Variants in DNAJC13 observed in about 807,000 individuals in gnomAD.
The protein encoded by DNAJC13 is dnaJ homolog subfamily C member 13.
Under a neutral mutation model 290.5 loss-of-function variants are expected in DNAJC13, and 75 were observed. That is an observed-to-expected ratio of 0.26 (90% CI 0.21 to 0.31). The LOEUF (loss-of-function observed/expected upper bound fraction) is 0.31. Among genes scored for constraint, DNAJC13 ranks in the 10% least tolerant of loss-of-function variants. DNAJC13 has a pLI of 1.00. For synonymous variants in DNAJC13, 862 were observed against 892.0 expected (o/e 0.97, Z 0.60); for missense variants, 2,260 against 2,674.5 (o/e 0.85, Z 3.42).
chr3:132,492,056 TA>T (rs1019926607), intron 32 of DNAJC13, among the ~76,000 whole-genome samples: 62 of 152,306 alleles, frequency 4.1e-4, no homozygotes, highest in Non-Finnish European at 4.1e-4. Flanking sequence ...TTAATTGAAA[TA>T]AATACCATCT....
intron 55 of DNAJC13, chr3:132,537,076 G>A: frequency 6.6e-6 from 3 of 455,396 alleles, no homozygotes; most frequent in Non-Finnish European, 1.3e-5. Context: ...ACCAATCCCT[G>A]TTTCTACCTT....
intron 55 of DNAJC13, chr3:132,537,287 A>T: frequency 2.2e-6 from 1 of 453,688 alleles, no homozygotes; most frequent in Non-Finnish European, 4.4e-6. Flanking sequence ...GTTTTGCTAA[A>T]TGCATGCCGC....
chr3:132,499,833 A>G, intron 38 of DNAJC13, 25 bp downstream of exon 38: 1 of 1,600,004 alleles, frequency 6.2e-7, no homozygotes, highest in Admixed American at 1.7e-5. Flanking sequence ...TGTGGTTCCA[A>G]GAAAATTGCA....
At chr3:132,515,030 C>G (rs1358454520) in intron 46 of DNAJC13, among the ~76,000 whole-genome samples, 2 of 152,150 alleles carry the variant, frequency 1.3e-5, no homozygotes, top group South Asian at 2.1e-4. Flanking sequence ...GCCTTGTATT[C>G]AGCTTAGTGT....
chr3:132,427,642 A>AG (rs1939134478), intron 1 of DNAJC13, among the ~76,000 whole-genome samples: 2 of 152,208 alleles, frequency 1.3e-5, no homozygotes, highest in African/African-American at 2.4e-5. Context: ...TGAACATTCT[A>AG]GGTGATATCT....
intron 16 of DNAJC13, among the ~76,000 whole-genome samples, chr3:132,462,821 A>C (rs1411904679): frequency 2.0e-5 from 3 of 152,292 alleles, no homozygotes; most frequent in African/African-American, 7.2e-5. Context: ...TGGAAGGATA[A>C]TGTTGACAGT....
At chr3:132,443,490 T>C (rs74281872) in intron 2 of DNAJC13, among the ~76,000 whole-genome samples, 14,972 of 152,258 alleles carry the variant, frequency 0.098, 1,337 homozygotes, top group East Asian at 0.5. Flanking sequence ...GTGACTAATA[T>C]TCTATACATG....
rs769671663 is a variant in DNAJC13, at chr3:132,499,729, T to C, written c.4342-5T>C. On this transcript the variant is annotated splice_polypyrimidine_tract_variant and splice_region_variant and intron_variant, in intron 37 of 55. Coordinates refer to ENST00000260818, the MANE Select transcript of DNAJC13 (RefSeq NM_015268.4). The stretch of plus-strand genomic sequence containing the variant: ...AGAGTTAATAGCTGACTTCTTCCTC[T>C]GCAGGTGTTACAAGAGGCATTTAGT... 1 of 1,614,038 alleles carries C rather than the reference T, an allele frequency of 6.2e-7. No individual in the cohort carries two copies. The highest frequency in any genetic ancestry group is 8.5e-7 in the Non-Finnish European group (1 of 1,179,960).
chr3:132,525,821 C>T, intron 52 of DNAJC13, 32 bp downstream of exon 52: 1 of 1,597,558 alleles, frequency 6.3e-7, no homozygotes, highest in South Asian at 1.1e-5. Context: ...AGTTTATAAG[C>T]TCCAGAATTT....
intron 32 of DNAJC13, among the ~76,000 whole-genome samples, chr3:132,491,968 G>C (rs1935069807): frequency 6.6e-6 from 1 of 152,046 alleles, no homozygotes; most frequent in South Asian, 2.1e-4. Flanking sequence ...CAAATATAAG[G>C]CCCCATCTAA....
At chr3:132,440,296 T>C (rs536447612) in intron 2 of DNAJC13, among the ~76,000 whole-genome samples, 1 of 152,234 alleles carries the variant, frequency 6.6e-6, no homozygotes, top group Non-Finnish European at 1.5e-5. Flanking sequence ...ATAAATGTAC[T>C]AATTATAATT....
At chr3:132,425,120 A>G (rs1469489605) in intron 1 of DNAJC13, among the ~76,000 whole-genome samples, 2 of 152,166 alleles carry the variant, frequency 1.3e-5, no homozygotes, top group Non-Finnish European at 2.9e-5. Context: ...GTTACAAACA[A>G]ACCTAGATCC....
chr3:132,462,212 A>G (rs1340122092), intron 15 of DNAJC13, among the ~76,000 whole-genome samples: 1 of 152,172 alleles, frequency 6.6e-6, no homozygotes, highest in Non-Finnish European at 1.5e-5. Context: ...TATCATTCAA[A>G]TAATTATAAT....
chr3:132,513,413 A>G (rs1935835263), intron 45 of DNAJC13, among the ~76,000 whole-genome samples: 1 of 152,204 alleles, frequency 6.6e-6, no homozygotes, highest in African/African-American at 2.4e-5. Context: ...CACATCAGCA[A>G]GAAGATGATA....
chr3:132,538,476 A>C lies in DNAJC13; in HGVS notation c.*194A>C, dbSNP rs1936665652. 2 of 474,178 alleles carry C rather than the reference A, an allele frequency of 4.2e-6. No homozygotes were observed. The highest frequency in any genetic ancestry group is 3.7e-6 in the Non-Finnish European group (1 of 271,826). The allele number at this position is 474,178 out of a possible 1,614,324, so 29.4% of individuals were successfully genotyped here. A position where few individuals can be genotyped will look rare whatever the true frequency, so the allele number is the denominator to read the frequency against. On this transcript the variant is annotated 3_prime_UTR_variant, in exon 56 of 56. Transcript: ENST00000260818. ...CACATTATAAGAAAGCACTCTGTGG[A>C]TCAACATAAGTGGGTACACAAGAAT...
At chr3:132,489,855 G>T (rs922968281) in intron 31 of DNAJC13, among the ~76,000 whole-genome samples, 1 of 152,070 alleles carries the variant, frequency 6.6e-6, no homozygotes, top group Non-Finnish European at 1.5e-5. Flanking sequence ...AGTTAAAAAA[G>T]TCTCTAATGA....
chr3:132,501,209 G>A (rs1045615355), intron 39 of DNAJC13, among the ~76,000 whole-genome samples: 1 of 152,020 alleles, frequency 6.6e-6, no homozygotes, highest in Non-Finnish European at 1.5e-5. Context: ...TCTTTTAAAA[G>A]CAAAAGGCCA....
In DNAJC13 at chr3:132,531,007, A is replaced by G. The variant is rs1182898960; in HGVS notation, c.6535A>G (p.Ile2179Val). 1 of 1,613,828 alleles carries G rather than the reference A, an allele frequency of 6.2e-7. No homozygotes were observed. ...SLQYGEQVNEILCRSSVWSAF... is the reference protein window; with the variant it reads ...SLQYGEQVNEVLCRSSVWSAF... Reference sequence around the variant, plus strand: ...TGTTTTACTTTCCTAGGTGAATGAAATCCTGTGCCGTTCTTCAGTCTGGAG... The same window carrying G: ...TGTTTTACTTTCCTAGGTGAATGAAGTCCTGTGCCGTTCTTCAGTCTGGAG... The change falls in exon 55 of 56, where the codon ATC becomes GTC. Residue 2179 changes from isoleucine (I) to valine (V), a missense_variant. Transcript: ENST00000260818.
chr3:132,448,542 T>C (rs538469906), intron 5 of DNAJC13, among the ~76,000 whole-genome samples: 2 of 152,258 alleles, frequency 1.3e-5, no homozygotes, highest in East Asian at 3.9e-4. Flanking sequence ...GTGTAACCTT[T>C]TTTCACTCTC....
Sources: allele counts gnomAD v4.1 joint callset (sites outside exome capture counted in the v4.1 genomes callset), GRCh38; gene constraint gnomAD v4.1.1; transcripts MANE v1.5; gene names NCBI Gene and HGNC (gene_info 2026-07-23, HGNC 2026-07-21).